PIGV: variants seen among roughly 807,000 people sequenced by gnomAD.
The protein encoded by PIGV is phosphatidylinositol glycan anchor biosynthesis class V, also known as GPI alpha-1,6-mannosyltransferase 2.
A neutral mutation model predicts 39.2 loss-of-function variants in PIGV; 27 were observed. The observed-to-expected ratio is 0.69, with a 90% CI of 0.51 to 0.95. The LOEUF (loss-of-function observed/expected upper bound fraction) is 0.95, where lower values mean the gene tolerates loss of function less well. Among genes scored for constraint, PIGV ranks in the 40% least tolerant of loss-of-function variants. PIGV has a pLI of 0.00. For synonymous variants in PIGV, 232 were observed against 241.7 expected (o/e 0.96, Z 0.37); for missense variants, 523 against 586.4 (o/e 0.89, Z 1.12).
At chr1:26,789,589 G>C (rs2081284870) in intron 1 of PIGV, among the ~76,000 whole-genome samples, 1 of 152,102 alleles carries the variant, frequency 6.6e-6, no homozygotes, top group African/African-American at 2.4e-5. Context: ...CTAGGCCCTG[G>C]GATATAGTTG....
intron 2 of PIGV, 105 bp downstream of exon 2, chr1:26,790,998 T>A (rs1375584715): frequency 1.1e-6 from 1 of 937,386 alleles, no homozygotes; most frequent in Non-Finnish European, 1.7e-6. Context: ...TGCCCCTCCA[T>A]GTGGTTGGAA....
Position 26,794,348 on chromosome 1 carries a change from T to C in PIGV, c.314T>C (p.Leu105Ser), listed in dbSNP as rs946759435. Residue 105 changes from leucine to serine, a missense_variant, in exon 3 of 4, where the codon TTA (leucine) becomes TCA (serine). Transcript: ENST00000674202. ...LLVGTELLRP[L>S]RGLLSLRSCL... ...GTGGGGACTGAACTGTTGAGACCCT[T>C]ACGGGGGTTACTGAGTCTACGCAGT... 7 of 1,614,104 alleles carry C rather than the reference T, an allele frequency of 4.3e-6. No individual in the cohort carries two copies. The highest frequency in any genetic ancestry group is 5.9e-6 in the Non-Finnish European group (7 of 1,180,020).
rs370558069 is a variant in PIGV at position 26,794,954 on chromosome 1, T to A, written c.920T>A (p.Ile307Asn). 7.4e-6 allele frequency: 12 copies of A among 1,614,096 alleles called. No individual in the cohort carries two copies. The East Asian group carries it at 2.5e-4, about 33-fold the overall frequency. The stretch of plus-strand genomic sequence containing the variant: ...GATGTTCCACTAATATACAGCTATA[T>A]CCAGGATGTCTACTGGAATGTTGGC... Reference protein sequence around the residue: ...FWDVPLIYSYIQDVYWNVGFL... With the variant: ...FWDVPLIYSYNQDVYWNVGFL... Residue 307 changes from isoleucine (I) to asparagine (N), a missense_variant, in exon 3 of 4, where the codon ATC becomes AAC. Ile to Asn is a moderately radical substitution (Grantham distance 149). Transcript: ENST00000674202.
At chr1:26,793,380 T>TA (rs2081337295) in intron 2 of PIGV, among the ~76,000 whole-genome samples, 1 of 152,228 alleles carries the variant, frequency 6.6e-6, no homozygotes, top group South Asian at 2.1e-4. Flanking sequence ...AGTCACCAGT[T>TA]ACTTTCACAT....
chr1:26,788,302 G>C (rs1413783356), intron 1 of PIGV, 34 bp downstream of exon 1: 2 of 152,398 alleles, frequency 1.3e-5, no homozygotes, highest in Admixed American at 6.5e-5. Flanking sequence ...AGAAGGGACT[G>C]TGTCCAAAAG....
Position 26,797,864 on chromosome 1 carries a change from G to A in PIGV, c.*20G>A. On this transcript the variant is annotated 3_prime_UTR_variant, in exon 4 of 4. Transcript: ENST00000674202. ...ACATGACCTGGACTCTCCAGGGACA[G>A]GTTGGAAGCCAACTTAACCCAGGGG... is the stretch of plus-strand genomic sequence containing the variant. The A allele has an allele frequency of 6.2e-7, 1 of 1,613,438 alleles. No homozygotes were observed. Among genetic ancestry groups the A allele is most frequent in the African/African-American group, 1.3e-5 (1 of 75,014 alleles).
At chr1:26,791,980 G>C (rs1487872637) in intron 2 of PIGV, among the ~76,000 whole-genome samples, 2 of 152,228 alleles carry the variant, frequency 1.3e-5, no homozygotes, top group Admixed American at 1.3e-4. Context: ...AACCAGGACA[G>C]CTGGGCTCTA....
chr1:26,787,061 G>GGCTA (rs1351587582), upstream of PIGV, among the ~76,000 whole-genome samples: 1 of 152,186 alleles, frequency 6.6e-6, no homozygotes, highest in Admixed American at 6.5e-5. Flanking sequence ...TGTGGCCAGA[G>GGCTA]GCTAACCCGG....
In PIGV at chr1:26,795,922, G is replaced by A. The variant is rs556975416; in HGVS notation, c.1200+688G>A. On this transcript the variant is annotated intron_variant, in intron 3 of 3. Coordinates refer to ENST00000674202, the MANE Select transcript of PIGV (RefSeq NM_017837.4). ...TGCCCAGGCTGGAGTGCAGTGGTGCGATCTCAGCTCACTGCAACCTGTGTC... is the reference window on the plus strand; with the variant it reads ...TGCCCAGGCTGGAGTGCAGTGGTGCAATCTCAGCTCACTGCAACCTGTGTC... Among the ~76,000 whole-genome samples, 115 of 150,484 alleles carry A rather than the reference G, an allele frequency of 7.6e-4. 1 individual carries two copies. The highest frequency in any genetic ancestry group is 1.9e-3 in the African/African-American group (79 of 41,042).
rs184905520 is a variant in PIGV at position 26,798,803 on chromosome 1, A to G, written c.*959A>G. ...AAATAATATAAATCAGCTGGGGGAA[A>G]AAAGGGTAAGAAGAAGGCATCAGGA... On this transcript the variant is annotated 3_prime_UTR_variant, in exon 4 of 4. Transcript: ENST00000674202. Among the ~76,000 whole-genome samples the G allele has an allele frequency of 5.7e-4, 87 of 152,376 alleles. No homozygotes were observed. The Middle Eastern group carries it at 0.01, about 18-fold the overall frequency.
At chr1:26,792,679 C>T (rs923996866) in intron 2 of PIGV, among the ~76,000 whole-genome samples, 1 of 152,206 alleles carries the variant, frequency 6.6e-6, no homozygotes, top group African/African-American at 2.4e-5. Flanking sequence ...CCCCCACTTC[C>T]AATGCTCAAG....
At position 26,794,130 on chromosome 1, in the gene PIGV, C is replaced by T. The variant is rs1211984117; in HGVS notation, c.96C>T (p.Ile32=). Reference sequence around the variant, plus strand: ...CTCCACAGGCCCTCTTCAATGCCATCATCCCAGATCACCATGCAGAAGCCT... The same window carrying T: ...CTCCACAGGCCCTCTTCAATGCCATTATCCCAGATCACCATGCAGAAGCCT... ...TLMLQALFNA[I]IPDHHAEAFS... The change falls in exon 3 of 4, where the codon ATC becomes ATT. Residue 32 remains isoleucine, a synonymous_variant. Coordinates refer to ENST00000674202, the MANE Select transcript of PIGV (RefSeq NM_017837.4). 1 of 1,614,242 alleles carries T rather than the reference C, an allele frequency of 6.2e-7. No individual in the cohort carries two copies.
At chr1:26,793,087 C>CT (rs1357276257) in intron 2 of PIGV, among the ~76,000 whole-genome samples, 1 of 152,206 alleles carries the variant, frequency 6.6e-6, no homozygotes, top group East Asian at 1.9e-4. Flanking sequence ...GTCCTCTTCT[C>CT]TAAGGCTGGC....
intron 3 of PIGV, among the ~76,000 whole-genome samples, chr1:26,796,018 C>T (rs573654871): frequency 6.6e-6 from 1 of 151,650 alleles, no homozygotes; most frequent in South Asian, 2.1e-4. Context: ...GCCACCACCG[C>T]CTAGCTAATT....
intron 1 of PIGV, 51 bp from the exon 2 acceptor site, chr1:26,790,708 C>T (rs1221099632): frequency 4.6e-6 from 4 of 866,488 alleles, no homozygotes; most frequent in Non-Finnish European, 7.7e-6. Context: ...CGAATGCTTT[C>T]AAGAATTTGC....
chr1:26,795,530 T>G (rs1033492270), intron 3 of PIGV, among the ~76,000 whole-genome samples: 10 of 151,702 alleles, frequency 6.6e-5, no homozygotes, highest in African/African-American at 2.2e-4. Context: ...GGCCAAGATG[T>G]TGAAACCTTG....
intron 2 of PIGV, among the ~76,000 whole-genome samples, chr1:26,793,680 C>A (rs1460698766): frequency 6.6e-6 from 1 of 152,198 alleles, no homozygotes; most frequent in Non-Finnish European, 1.5e-5. Flanking sequence ...TGTCTCACTG[C>A]AGCCTCAACC....
chr1:26,797,829 C>T lies in PIGV; in HGVS notation c.1467C>T (p.Phe489=). ...TGGGACTACTCCTACATTGCAACTT[C>T]CTGCCTTGGACATGACCTGGACTCT... ...WLLGLLLHCN[F]LPWT is the part of the protein sequence containing the mutation. Residue 489 remains phenylalanine, a synonymous_variant, in exon 4 of 4, where the codon TTC becomes TTT. Coordinates refer to ENST00000674202, the MANE Select transcript of PIGV (RefSeq NM_017837.4). The T allele has an allele frequency of 1.9e-6, 3 of 1,614,174 alleles. No homozygotes were observed. The highest frequency in any genetic ancestry group is 2.5e-6 in the Non-Finnish European group (3 of 1,180,044).
intron 2 of PIGV, among the ~76,000 whole-genome samples, chr1:26,792,322 T>G (rs976870291): frequency 6.9e-6 from 1 of 145,870 alleles, no homozygotes; most frequent in African/African-American, 2.5e-5. Context: ...ATTTTTGTAT[T>G]TTTTTTTTTT....
Sources: allele counts gnomAD v4.1 joint callset (sites outside exome capture counted in the v4.1 genomes callset), GRCh38; gene constraint gnomAD v4.1.1; transcripts MANE v1.5; gene names NCBI Gene and HGNC (gene_info 2026-07-23, HGNC 2026-07-21).